The following UBR3 variants were observed in gnomAD, a reference collection of about 807,000 sequenced individuals.
UBR3 encodes E3 ubiquitin-protein ligase UBR3.
Under a neutral mutation model 243.2 loss-of-function variants are expected in UBR3, and 85 were observed. That is an observed-to-expected ratio of 0.35 (90% CI 0.29 to 0.42). UBR3 has a LOEUF of 0.42. Ranked by LOEUF, UBR3 falls within the 10% of genes least tolerant of loss-of-function variation. The pLI is 1.00. For synonymous variants in UBR3, 748 were observed against 799.8 expected, an observed-to-expected ratio of 0.94 and a Z score of 1.09; for missense variants, 1,686 against 2,300.8, an observed-to-expected ratio of 0.73 and a Z score of 5.47.
At position 169,827,673 on chromosome 2, in the gene UBR3, G is replaced by A. The variant is rs2081785255; in HGVS notation, c.166G>A (p.Glu56Lys). The change falls in exon 1 of 39, where the codon GAG (glutamate) becomes AAG (lysine). Residue 56 changes from glutamate to lysine, a missense_variant. Physicochemically the swap from Glu to Lys is moderately conservative, Grantham distance 56. Transcript: ENST00000272793. ...TGCTGAGGAGCTGCAGGCGCTGCTG[G>A]AGCGGGTGCTGAGCGCCGAGCGGCC... ...AGAEELQALL[E>K]RVLSAERPLA... The A allele has an allele frequency of 5.7e-6, 7 of 1,220,400 alleles. No individual in the cohort carries two copies. Among genetic ancestry groups the A allele is most frequent in the African/African-American group, 1.6e-5 (1 of 62,922 alleles). The allele number at this position is 1,220,400 out of a possible 1,614,324, so 75.6% of individuals were successfully genotyped here.
At chr2:169,842,554 ACACT>A (rs1292821573) in intron 1 of UBR3, among the ~76,000 whole-genome samples, 2 of 152,156 alleles carry the variant, frequency 1.3e-5, no homozygotes, top group Admixed American at 6.5e-5. Context: ...ATGAGCTGTG[ACACT>A]CACCGTGAAG....
intron 35 of UBR3, among the ~76,000 whole-genome samples, chr2:170,066,066 A>G (rs2091561861): frequency 6.6e-6 from 1 of 152,008 alleles, no homozygotes; most frequent in Admixed American, 6.6e-5. Flanking sequence ...ATTTTTGAAC[A>G]TTAATCTTAG....
chr2:169,923,555 T>A (rs80140333), intron 11 of UBR3, among the ~76,000 whole-genome samples: 6,608 of 152,268 alleles, frequency 0.043, 177 homozygotes, highest in Non-Finnish European at 0.068. Flanking sequence ...ACTGTCATGA[T>A]GTTTGGTATA....
intron 1 of UBR3, among the ~76,000 whole-genome samples, chr2:169,845,518 CG>C (rs1486175335): frequency 7.5e-5 from 11 of 146,866 alleles, no homozygotes; most frequent in African/African-American, 2.8e-4. Context: ...TCGTCGTCGT[CG>C]TCGTCGTCGT....
intron 36 of UBR3, among the ~76,000 whole-genome samples, chr2:170,079,379 T>C (rs1297671646): frequency 6.6e-6 from 1 of 152,174 alleles, no homozygotes; most frequent in Non-Finnish European, 1.5e-5. Context: ...AAATGAGTTA[T>C]AACCATGATC....
At position 170,082,008 on chromosome 2, in the gene UBR3, G is replaced by T; in HGVS notation, c.*165G>T. ...TTAGGTGCTTGGTAATCACGTTAAT[G>T]GTATAATTTTTTTTTTTTAATATCT... On this transcript the variant is annotated 3_prime_UTR_variant, in exon 39 of 39. Coordinates refer to ENST00000272793, the MANE Select transcript of UBR3 (RefSeq NM_172070.4). The T allele has an allele frequency of 9.1e-6, 4 of 438,748 alleles. No homozygotes were observed. Among genetic ancestry groups the T allele is most frequent in the Non-Finnish European group, 1.6e-5 (4 of 248,806 alleles). 27.2% of individuals were successfully genotyped at this position (438,748 alleles called of 1,614,324 possible). A position where few individuals can be genotyped will look rare whatever the true frequency, so the allele number is the denominator to read the frequency against.
chr2:169,993,376 A>G (rs1381077483), intron 25 of UBR3, among the ~76,000 whole-genome samples: 3 of 152,224 alleles, frequency 2.0e-5, no homozygotes, highest in Admixed American at 2.0e-4. Flanking sequence ...ATATTTTTAT[A>G]GCAGATATTT....
intron 10 of UBR3, among the ~76,000 whole-genome samples, chr2:169,910,182 C>T (rs1574178861): frequency 2.0e-5 from 3 of 151,906 alleles, no homozygotes; most frequent in Admixed American, 1.3e-4. Flanking sequence ...CTAGACCCTT[C>T]GGCATATAGA....
chr2:169,880,805 C>T (rs949981058), intron 5 of UBR3, among the ~76,000 whole-genome samples: 1 of 152,090 alleles, frequency 6.6e-6, no homozygotes, highest in Non-Finnish European at 1.5e-5. Flanking sequence ...TTGTTTCTCC[C>T]TTTGTGTCGA....
At chr2:170,032,482 CAACAA>C (rs2090699275) in intron 31 of UBR3, among the ~76,000 whole-genome samples, 1 of 148,394 alleles carries the variant, frequency 6.7e-6, no homozygotes. Flanking sequence ...GTAACAACAA[CAACAA>C]AAAGATTATG....
rs564964312 is a variant in UBR3, at chr2:169,883,914, C to T, written c.1038+5340C>T. ...AGTGGTGTGATCTTGGCTCACTGAACCTCTGCTTCCCAGGTTCAAGTGATT... is the reference window on the plus strand; with the variant it reads ...AGTGGTGTGATCTTGGCTCACTGAATCTCTGCTTCCCAGGTTCAAGTGATT... On this transcript the variant is annotated intron_variant, in intron 5 of 38. Transcript: ENST00000272793. Among the ~76,000 whole-genome samples, 6 of 150,914 alleles carry T rather than the reference C, an allele frequency of 4.0e-5. No homozygotes were observed. The South Asian group carries it at 1.3e-3, about 32-fold the overall frequency.
At chr2:169,938,801 A>G (rs1053213812) in intron 19 of UBR3, among the ~76,000 whole-genome samples, 2 of 152,196 alleles carry the variant, frequency 1.3e-5, no homozygotes, top group Admixed American at 6.5e-5. Context: ...AAGCTTTTAC[A>G]TCAAATTCTC....
At chr2:170,077,744 C>T in intron 36 of UBR3, 1 of 276,004 alleles carries the variant, frequency 3.6e-6, no homozygotes, top group Non-Finnish European at 6.7e-6. Context: ...TGCCACTATG[C>T]CCAGCTAATT....
At chr2:169,851,404 CAGGCGTGAGCCATCGCAGATTAT>C (rs1339261918) in intron 1 of UBR3, among the ~76,000 whole-genome samples, 2 of 152,374 alleles carry the variant, frequency 1.3e-5, no homozygotes, top group East Asian at 3.9e-4. Context: ...ATTGGGATTA[CAGGCGTGAGCCATCGCAGATTAT>C]AGGCGTGAGC....
At chr2:169,900,147 C>T (rs1377202152) in intron 8 of UBR3, among the ~76,000 whole-genome samples, 1 of 152,342 alleles carries the variant, frequency 6.6e-6, no homozygotes, top group South Asian at 2.1e-4. Flanking sequence ...TCCACATCCT[C>T]TCCAGCGTCT....
intron 37 of UBR3, 168 bp from the exon 38 acceptor site, chr2:170,080,377 C>A: frequency 1.3e-6 from 1 of 795,052 alleles, no homozygotes; most frequent in Non-Finnish European, 1.9e-6. Context: ...CCAAATACCT[C>A]CTAATGTATT....
At chr2:169,975,304 G>A (rs1279548450) in intron 24 of UBR3, among the ~76,000 whole-genome samples, 2 of 152,104 alleles carry the variant, frequency 1.3e-5, no homozygotes, top group East Asian at 3.8e-4. Flanking sequence ...ATATTCCATT[G>A]TGGTCAGAAA....
intron 24 of UBR3, among the ~76,000 whole-genome samples, chr2:169,979,820 T>C (rs1271739341): frequency 2.0e-5 from 3 of 152,202 alleles, no homozygotes; most frequent in South Asian, 2.1e-4. Flanking sequence ...AAGTTCGATA[T>C]GTAACACTGT....
intron 19 of UBR3, among the ~76,000 whole-genome samples, chr2:169,935,696 C>T (rs1221138758): frequency 6.6e-6 from 1 of 152,162 alleles, no homozygotes; most frequent in Non-Finnish European, 1.5e-5. Flanking sequence ...ATTTTTGTCT[C>T]AAACTAGTCA....
Sources: allele counts gnomAD v4.1 joint callset (sites outside exome capture counted in the v4.1 genomes callset), GRCh38; gene constraint gnomAD v4.1.1; transcripts MANE v1.5; gene names NCBI Gene and HGNC (gene_info 2026-07-23, HGNC 2026-07-21).